Variants in REV3L observed in about 807,000 individuals in gnomAD.
The protein encoded by REV3L is DNA polymerase zeta catalytic subunit.
REV3L carries 69 observed loss-of-function variants against 299.4 expected under a neutral mutation model. That is an observed-to-expected ratio of 0.23 (90% CI 0.19 to 0.28). The LOEUF is 0.28. Ranked by LOEUF, REV3L falls within the 10% of genes least tolerant of loss-of-function variation. The probability of loss-of-function intolerance (pLI) is 1.00; values close to 1 mark genes in which losing one functional copy is unlikely to be tolerated. For synonymous variants in REV3L, 1,238 were observed against 1,271.4 expected, an observed-to-expected ratio of 0.97 and a Z score of 0.56; for missense variants, 3,128 against 3,693.8, an observed-to-expected ratio of 0.85 and a Z score of 3.97.
Position 111,387,953 on chromosome 6 carries a change from A to G in REV3L, c.948-40T>C, listed in dbSNP as rs759866290. 1.2e-5 allele frequency: 20 copies of G among 1,608,866 alleles called. No individual in the cohort carries two copies. In the East Asian group the frequency reaches 2.9e-4, roughly 23 times the overall value. On this transcript the variant is annotated intron_variant, in intron 8 of 31. Coordinates refer to ENST00000368802, the MANE Select transcript of REV3L (RefSeq NM_001372078.1). The stretch of plus-strand genomic sequence containing the variant: ...CATATCCTTTATAACAGACTACATA[A>G]CAAAGGAATAAAATTAGTTCTGAGA...
At chr6:111,462,254 T>C (rs1424821229) in intron 1 of REV3L, among the ~76,000 whole-genome samples, 3 of 152,152 alleles carry the variant, frequency 2.0e-5, no homozygotes. Context: ...TGCTAATATG[T>C]ATGAAATTCA....
chr6:111,329,354 T>C (rs1479471989), intron 25 of REV3L, among the ~76,000 whole-genome samples, 178 bp downstream of exon 25: 1 of 151,960 alleles, frequency 6.6e-6, no homozygotes, highest in South Asian at 2.1e-4. Context: ...TTTTTTTTTT[T>C]TTTTCTTTTA....
At chr6:111,349,183 T>C in intron 20 of REV3L, 35 bp downstream of exon 20, 1 of 1,062,278 alleles carries the variant, frequency 9.4e-7, no homozygotes, top group South Asian at 1.3e-5. Context: ...ACCGAATATC[T>C]TATTTCTAAA....
chr6:111,432,711 T>C (rs943061951), intron 1 of REV3L, among the ~76,000 whole-genome samples: 3 of 152,164 alleles, frequency 2.0e-5, no homozygotes, highest in African/African-American at 7.2e-5. Context: ...CTAATCAACA[T>C]TTATGGAACA....
intron 18 of REV3L, among the ~76,000 whole-genome samples, chr6:111,354,448 C>T (rs1777890686): frequency 6.6e-6 from 1 of 152,140 alleles, no homozygotes; most frequent in East Asian, 1.9e-4. Flanking sequence ...CCCTGCGCTT[C>T]TCAGATTTAT....
chr6:111,480,591 T>C (rs927077940), intron 1 of REV3L, among the ~76,000 whole-genome samples: 1 of 152,154 alleles, frequency 6.6e-6, no homozygotes, highest in Non-Finnish European at 1.5e-5. Context: ...ACTCTAAATG[T>C]ATGCCAATGA....
intron 26 of REV3L, among the ~76,000 whole-genome samples, chr6:111,320,315 C>T (rs762906644): frequency 6.6e-6 from 1 of 152,240 alleles, no homozygotes; most frequent in Non-Finnish European, 1.5e-5. Flanking sequence ...ATCTGCCTGC[C>T]TTGGCCTCCC....
intron 4 of REV3L, among the ~76,000 whole-genome samples, chr6:111,399,480 A>C (rs1782869175): frequency 6.6e-6 from 1 of 152,140 alleles, no homozygotes; most frequent in Non-Finnish European, 1.5e-5. Flanking sequence ...TTTTCCACTA[A>C]TGTCCTCTTT....
rs191338549 is a variant in REV3L, at chr6:111,330,464, C to T, written c.8035-726G>A. 4.1e-4 allele frequency among the ~76,000 whole-genome samples: 62 copies of T among 152,194 alleles called. 1 individual carries two copies. The highest frequency in any genetic ancestry group is 1.3e-3 in the African/African-American group (55 of 41,516). On this transcript the variant is annotated intron_variant, in intron 24 of 31. Transcript: ENST00000368802. ...TAACTTTGATGATGATTCACAGACA[C>T]GTGCAAGGTAATGCATGTCAGACCT... is the stretch of plus-strand genomic sequence containing the variant.
At chr6:111,476,136 A>G (rs1792914815) in intron 1 of REV3L, among the ~76,000 whole-genome samples, 1 of 152,184 alleles carries the variant, frequency 6.6e-6, no homozygotes, top group Non-Finnish European at 1.5e-5. Context: ...AATTTTAAAT[A>G]ATGTTACACA....
chr6:111,362,888 T>G (rs1004409474), intron 16 of REV3L, among the ~76,000 whole-genome samples: 1 of 152,220 alleles, frequency 6.6e-6, no homozygotes, highest in African/African-American at 2.4e-5. Flanking sequence ...AGTTCTTCAG[T>G]TGTATAAGCC....
In REV3L at chr6:111,380,219, A is replaced by G; in HGVS notation, c.1217T>C (p.Met406Thr). The change falls in exon 11 of 32, where the codon ATG becomes ACG. Residue 406 changes from methionine (M) to threonine (T), a missense_variant and splice_region_variant. Around this residue, in one of 9 missense-constraint regions of REV3L, gnomAD observed 2,409 missense variants for 2,611.8 expected, o/e 0.92. Transcript: ENST00000368802. ...CAGAGCCTCATCAGGACTACTGTCC[A>G]CTATAAAACAAGTACAATAATCACC... ...TQRLSESPVFMDSSPDEALVH... is the reference protein window; with the variant it reads ...TQRLSESPVFTDSSPDEALVH... 1.3e-6 allele frequency: 2 copies of G among 1,590,476 alleles called. No homozygotes were observed. The highest frequency in any genetic ancestry group is 1.7e-6 in the Non-Finnish European group (2 of 1,162,098).
Position 111,483,107 on chromosome 6 carries a change from G to A in REV3L, c.-219C>T, listed in dbSNP as rs983282750. The A allele has an allele frequency of 5.5e-5, 29 of 524,322 alleles. No homozygotes were observed. Among genetic ancestry groups the A allele is most frequent in the Admixed American group, 8.7e-5 (2 of 23,094 alleles). The allele number at this position is 524,322 out of a possible 1,614,324, so 32.5% of individuals were successfully genotyped here. A position where few individuals can be genotyped will look rare whatever the true frequency, so the allele number is the denominator to read the frequency against. On this transcript the variant is annotated 5_prime_UTR_variant, in exon 1 of 32. Coordinates refer to ENST00000368802, the MANE Select transcript of REV3L (RefSeq NM_001372078.1). ...CCCGGCAAGGGGCCGCAGGAGAGAA[G>A]CCCTCGAGCTTTCGTCGGTGCTGGT...
At chr6:111,404,735 C>G (rs1783443157) in intron 4 of REV3L, among the ~76,000 whole-genome samples, 1 of 152,086 alleles carries the variant, frequency 6.6e-6, no homozygotes, top group Non-Finnish European at 1.5e-5. Context: ...TTCAAATAGC[C>G]ATGTTATTCT....
At chr6:111,420,511 T>TC (rs1785214142) in intron 1 of REV3L, among the ~76,000 whole-genome samples, 1 of 152,084 alleles carries the variant, frequency 6.6e-6, no homozygotes, top group African/African-American at 2.4e-5. Flanking sequence ...CAACTCCCCT[T>TC]CCCCTCCTCT....
intron 2 of REV3L, chr6:111,412,118 A>G (rs1359251588): frequency 2.1e-5 from 21 of 985,288 alleles, no homozygotes; most frequent in Non-Finnish European, 2.4e-5. Flanking sequence ...TGTACCTATT[A>G]TATGTACACA....
intron 5 of REV3L, among the ~76,000 whole-genome samples, chr6:111,391,490 C>T (rs2128254996): frequency 1.3e-5 from 2 of 152,264 alleles, no homozygotes; most frequent in South Asian, 4.1e-4. Flanking sequence ...ATTTTCACAA[C>T]TCAAATAATA....
chr6:111,372,464 A>G (rs1779895411), intron 13 of REV3L, 132 bp downstream of exon 13: 1 of 604,820 alleles, frequency 1.7e-6, no homozygotes, highest in Non-Finnish European at 2.5e-6. Flanking sequence ...TATACTTACA[A>G]ATACGGTATC....
At chr6:111,455,628 T>C (rs1378835424) in intron 1 of REV3L, among the ~76,000 whole-genome samples, 1 of 152,104 alleles carries the variant, frequency 6.6e-6, no homozygotes, top group Non-Finnish European at 1.5e-5. Context: ...GACACCTCAA[T>C]TAAAGTAGTA....
Sources: allele counts gnomAD v4.1 joint callset (sites outside exome capture counted in the v4.1 genomes callset), GRCh38; gene constraint gnomAD v4.1.1; regional missense constraint gnomAD v4.1.1; transcripts MANE v1.5; gene names NCBI Gene and HGNC (gene_info 2026-07-23, HGNC 2026-07-21).